The following PAPPA variants were observed in gnomAD, a reference collection of about 807,000 sequenced individuals.
PAPPA encodes pappalysin-1.
In PAPPA, 60 loss-of-function variants were observed where a neutral mutation model predicts 164.0. The ratio of observed to expected loss-of-function variants is 0.37; its 90% confidence interval spans 0.30 to 0.45. The LOEUF (loss-of-function observed/expected upper bound fraction) is 0.45. Among genes scored for constraint, PAPPA ranks in the 20% least tolerant of loss-of-function variants. The pLI, the probability that PAPPA is intolerant of heterozygous loss-of-function variation, is 1.00. For synonymous variants in PAPPA, 875 were observed against 814.1 expected (o/e 1.07, Z -1.27); for missense variants, 1,782 against 2,087.3 (o/e 0.85, Z 2.85).
At chr9:116,200,516 G>A (rs1844160281) in intron 2 of PAPPA, among the ~76,000 whole-genome samples, 1 of 152,076 alleles carries the variant, frequency 6.6e-6, no homozygotes. Flanking sequence ...CTATAAGTTG[G>A]GGATACTCTA....
intron 1 of PAPPA, among the ~76,000 whole-genome samples, chr9:116,164,414 A>C (rs922008677): frequency 2.0e-5 from 3 of 152,232 alleles, no homozygotes; most frequent in African/African-American, 7.2e-5. Flanking sequence ...AGAACTTGGA[A>C]GAATATAAGA....
intron 19 of PAPPA, among the ~76,000 whole-genome samples, chr9:116,369,343 A>T (rs1308822526): frequency 6.6e-6 from 1 of 152,160 alleles, no homozygotes; most frequent in Non-Finnish European, 1.5e-5. Flanking sequence ...CAGAATCTCA[A>T]GGCAGCTAGA....
chr9:116,214,536 A>G (rs1844347889), intron 4 of PAPPA, among the ~76,000 whole-genome samples: 1 of 151,996 alleles, frequency 6.6e-6, no homozygotes, highest in Non-Finnish European at 1.5e-5. Flanking sequence ...GGTTGTGGGG[A>G]AGGTTGAGAG....
At chr9:116,175,382 G>A (rs1479626612) in intron 1 of PAPPA, among the ~76,000 whole-genome samples, 1 of 152,104 alleles carries the variant, frequency 6.6e-6, no homozygotes, top group African/African-American at 2.4e-5. Flanking sequence ...GATTTTAAGT[G>A]TTCTCACCAC....
intron 7 of PAPPA, among the ~76,000 whole-genome samples, chr9:116,244,124 A>T (rs1844768691): frequency 6.6e-6 from 1 of 152,152 alleles, no homozygotes; most frequent in African/African-American, 2.4e-5. Flanking sequence ...TATTAGGATA[A>T]GCAAAAGGGC....
chr9:116,285,445 A>G (rs934884621), intron 9 of PAPPA, among the ~76,000 whole-genome samples: 1 of 151,712 alleles, frequency 6.6e-6, no homozygotes, highest in Non-Finnish European at 1.5e-5. Context: ...TTATACTCCA[A>G]TACCATCTTG....
Position 116,385,383 on chromosome 9 carries a change from T to G in PAPPA, c.4776+2890T>G, listed in dbSNP as rs528388787. ...CCATTTGGAAAGTTCTCTGACCTCA[T>G]GATCCACCCACCTCAGCCTCCCAAA... is the stretch of plus-strand genomic sequence containing the variant. On this transcript the variant is annotated intron_variant, in intron 21 of 21. Coordinates refer to ENST00000328252, the MANE Select transcript of PAPPA (RefSeq NM_002581.5). 1.1e-3 allele frequency among the ~76,000 whole-genome samples: 165 copies of G among 152,250 alleles called. 1 individual carries two copies. Among genetic ancestry groups the G allele is most frequent in the Non-Finnish European group, 1.5e-3 (104 of 68,018 alleles).
chr9:116,290,117 C>A (rs1208636043), intron 9 of PAPPA, among the ~76,000 whole-genome samples: 1 of 151,952 alleles, frequency 6.6e-6, no homozygotes, highest in African/African-American at 2.4e-5. Flanking sequence ...ATCTTTACAC[C>A]CACTTTTGAA....
intron 3 of PAPPA, among the ~76,000 whole-genome samples, chr9:116,209,579 A>G (rs1258947820): frequency 1.3e-5 from 2 of 152,140 alleles, no homozygotes; most frequent in East Asian, 1.9e-4. Flanking sequence ...GTATTTCAGG[A>G]TGATGTCAGG....
At chr9:116,227,676 A>G in intron 6 of PAPPA, 124 bp downstream of exon 6, 2 of 1,041,780 alleles carry the variant, frequency 1.9e-6, no homozygotes, top group Non-Finnish European at 2.7e-6. Flanking sequence ...GAGTAACATC[A>G]TCCTGCAAGG....
At chr9:116,193,468 T>G (rs1033807555) in intron 2 of PAPPA, among the ~76,000 whole-genome samples, 3 of 152,156 alleles carry the variant, frequency 2.0e-5, no homozygotes, top group Non-Finnish European at 4.4e-5. Flanking sequence ...ATGGGTCCAG[T>G]ACTTTCTTGC....
At chr9:116,387,602 T>C (rs1370036398) in intron 21 of PAPPA, among the ~76,000 whole-genome samples, 2 of 152,218 alleles carry the variant, frequency 1.3e-5, no homozygotes, top group Admixed American at 6.5e-5. Flanking sequence ...CTTGAACTCC[T>C]GGGCTCCAGT....
At chr9:116,331,170 G>T in intron 10 of PAPPA, 74 bp from the exon 11 acceptor site, 1 of 953,232 alleles carries the variant, frequency 1.0e-6, no homozygotes. Flanking sequence ...AACAGTAAAG[G>T]TTTGTAAAAT....
At chr9:116,382,364 C>T (rs745334500) in intron 20 of PAPPA, 31 bp from the exon 21 acceptor site, 9 of 1,373,114 alleles carry the variant, frequency 6.6e-6, no homozygotes, top group African/African-American at 2.9e-5. Context: ...GCTAACAAGG[C>T]CTCATTTCCT....
chr9:116,353,639 A>G lies in PAPPA; in HGVS notation c.4193A>G (p.Gln1398Arg). Reference protein sequence around the residue: ...RKSKKRAFKTQCTQDGSWQEG... With the variant: ...RKSKKRAFKTRCTQDGSWQEG... ...CCTTGAAGACGGGCCTTCAAGACTC[A>G]GTGTACCCAGGATGGCAGCTGGCAG... is the stretch of plus-strand genomic sequence containing the variant. Residue 1398 changes from glutamine (Q) to arginine (R), a missense_variant, in exon 17 of 22, where the codon CAG becomes CGG. This residue lies in a region of PAPPA where 1,324 missense variants were observed against 1,656.9 expected (regional missense o/e 0.80). Transcript: ENST00000328252. 5 of 1,613,872 alleles carry G rather than the reference A, an allele frequency of 3.1e-6. No individual in the cohort carries two copies. The highest frequency in any genetic ancestry group is 4.2e-6 in the Non-Finnish European group (5 of 1,179,936).
chr9:116,159,770 A>G (rs1843646105), intron 1 of PAPPA, among the ~76,000 whole-genome samples: 1 of 152,158 alleles, frequency 6.6e-6, no homozygotes, highest in Non-Finnish European at 1.5e-5. Flanking sequence ...AGGAAGGCAA[A>G]ATCAAGGTCC....
chr9:116,192,600 A>G (rs541825599), intron 2 of PAPPA, among the ~76,000 whole-genome samples: 2 of 152,258 alleles, frequency 1.3e-5, no homozygotes, highest in Admixed American at 1.3e-4. Context: ...ACCCCACTGC[A>G]ATCACTGGTG....
intron 10 of PAPPA, among the ~76,000 whole-genome samples, chr9:116,308,467 C>A (rs1442974863): frequency 6.6e-6 from 1 of 152,226 alleles, no homozygotes; most frequent in South Asian, 2.1e-4. Flanking sequence ...AAATAGGAAT[C>A]ACTGTTTTCA....
At position 116,400,953 on chromosome 9, in the gene PAPPA, G is replaced by A. The variant is rs1040714935; in HGVS notation, c.*4337G>A. 6.6e-6 allele frequency: 1 copy of A among 152,606 alleles called. No individual in the cohort carries two copies. The highest frequency in any genetic ancestry group is 1.5e-5 in the Non-Finnish European group (1 of 68,034). The allele number at this position is 152,606 out of a possible 1,614,324, so 9.5% of individuals were successfully genotyped here. A position where few individuals can be genotyped will look rare whatever the true frequency, so the allele number is the denominator to read the frequency against. On this transcript the variant is annotated 3_prime_UTR_variant, in exon 22 of 22. Coordinates refer to ENST00000328252, the MANE Select transcript of PAPPA (RefSeq NM_002581.5). ...ATACTATATACCTACCTCACAGTGG[G>A]AGGGCAGGAGATTTTGAGGCCCTGA...
Sources: allele counts gnomAD v4.1 joint callset (sites outside exome capture counted in the v4.1 genomes callset), GRCh38; gene constraint gnomAD v4.1.1; regional missense constraint gnomAD v4.1.1; transcripts MANE v1.5; gene names NCBI Gene and HGNC (gene_info 2026-07-23, HGNC 2026-07-21).